The following RBM39 variants were observed in gnomAD, a reference collection of about 807,000 sequenced individuals.
RBM39 encodes RNA binding motif protein 39.
RBM39 carries 12 observed loss-of-function variants against 79.6 expected under a neutral mutation model. The observed-to-expected ratio is 0.15, with a 90% CI of 0.10 to 0.24. RBM39 has a LOEUF of 0.24. RBM39 is among the 10% of genes least tolerant of loss of function. The pLI, the probability that RBM39 is intolerant of heterozygous loss-of-function variation, is 1.00. For synonymous variants in RBM39, 185 were observed against 208.4 expected, an observed-to-expected ratio of 0.89 and a Z score of 0.97; for missense variants, 243 against 653.4, an observed-to-expected ratio of 0.37 and a Z score of 6.85.
intron 3 of RBM39, chr20:35,732,495 G>A: frequency 4.5e-6 from 1 of 221,538 alleles, no homozygotes; most frequent in South Asian, 6.6e-5. Context: ...AGCGGAGGTT[G>A]CAGTGAGCCA....
intron 8 of RBM39, among the ~76,000 whole-genome samples, chr20:35,723,230 C>CAAAAAAAAAAAAAAAAA: frequency 8.1e-6 from 1 of 123,116 alleles, no homozygotes; most frequent in Non-Finnish European, 1.8e-5. Flanking sequence ...AAGATCGCCT[C>CAAAAAAAAAAAAAAAAA]AAAAAAAAAA....
At chr20:35,736,523 T>G (rs1171478895) in intron 3 of RBM39, 1 of 469,538 alleles carries the variant, frequency 2.1e-6, no homozygotes, top group Admixed American at 2.4e-5. Context: ...CTAACACAGT[T>G]GTAGTGAGAA....
intron 10 of RBM39, among the ~76,000 whole-genome samples, chr20:35,715,249 C>T (rs892349081): frequency 6.6e-6 from 1 of 152,186 alleles, no homozygotes; most frequent in African/African-American, 2.4e-5. Context: ...ACCATCTCGG[C>T]TCATTGCAAC....
At chr20:35,737,174 G>C (rs191334377) in intron 3 of RBM39, among the ~76,000 whole-genome samples, 1 of 149,244 alleles carries the variant, frequency 6.7e-6, no homozygotes, top group South Asian at 2.1e-4. Flanking sequence ...GGTGGATCAC[G>C]AGGTCAGGAG....
intron 13 of RBM39, chr20:35,707,665 G>A: frequency 5.2e-6 from 1 of 193,184 alleles, no homozygotes; most frequent in South Asian, 7.0e-5. Flanking sequence ...AAAGAATTAA[G>A]ACATATAAAA....
intron 3 of RBM39, chr20:35,734,165 A>T: frequency 1.6e-6 from 2 of 1,281,544 alleles, no homozygotes; most frequent in Non-Finnish European, 2.1e-6. Flanking sequence ...TGCATTGAAA[A>T]TAGAAAATGA....
chr20:35,734,618 A>G (rs1018604313), intron 3 of RBM39: 2 of 322,082 alleles, frequency 6.2e-6, no homozygotes, highest in African/African-American at 2.2e-5. Flanking sequence ...TTATTCTGCC[A>G]AAAGAAAACA....
intron 3 of RBM39, among the ~76,000 whole-genome samples, chr20:35,737,858 A>C (rs1449609746): frequency 4.9e-5 from 7 of 141,774 alleles, no homozygotes; most frequent in Admixed American, 7.0e-5. Flanking sequence ...CAAAAAAAAA[A>C]AAAAAAAAAA....
chr20:35,741,049 T>TTTTTTTTTTTTTTTTTTC (rs2040470078), intron 1 of RBM39, among the ~76,000 whole-genome samples, 162 bp from the exon 2 acceptor site: 2 of 130,786 alleles, frequency 1.5e-5, no homozygotes, highest in Non-Finnish European at 1.6e-5. Context: ...TTTTTTTTTT[T>TTTTTTTTTTTTTTTTTTC]TTGAGACGGA....
intron 6 of RBM39, among the ~76,000 whole-genome samples, chr20:35,726,717 G>T (rs187711473): frequency 1.5e-3 from 226 of 152,352 alleles, no homozygotes; most frequent in African/African-American, 5.0e-3. Context: ...AATTAAGGTT[G>T]TAAGTCATCC....
At chr20:35,714,772 C>CA (rs1297400239) in intron 10 of RBM39, among the ~76,000 whole-genome samples, 2 of 151,958 alleles carry the variant, frequency 1.3e-5, no homozygotes, top group Non-Finnish European at 2.9e-5. Context: ...AAAATGTGCC[C>CA]AGGGACAAAA....
chr20:35,727,313 G>C (rs1183684314), intron 6 of RBM39, among the ~76,000 whole-genome samples: 1 of 150,798 alleles, frequency 6.6e-6, no homozygotes, highest in Non-Finnish European at 1.5e-5. Context: ...TTGCGTCACT[G>C]CACTATAGCC....
intron 11 of RBM39, 148 bp downstream of exon 11, chr20:35,714,037 A>G: frequency 1.4e-6 from 1 of 711,398 alleles, no homozygotes; most frequent in Non-Finnish European, 2.3e-6. Context: ...AAGGCACATC[A>G]TCTATAAAAT....
intron 14 of RBM39, among the ~76,000 whole-genome samples, chr20:35,705,659 G>A (rs990323780): frequency 9.2e-5 from 14 of 151,860 alleles, no homozygotes; most frequent in Admixed American, 9.2e-4. Flanking sequence ...TTAGCCACGA[G>A]TGGTGGCAGA....
At chr20:35,724,835 A>T (rs2038457327) in intron 7 of RBM39, 113 bp from the exon 8 acceptor site, 1 of 1,300,860 alleles carries the variant, frequency 7.7e-7, no homozygotes, top group Non-Finnish European at 1.1e-6. Flanking sequence ...TTAAAAAAGT[A>T]AATCTGTAGG....
At chr20:35,706,521 C>T (rs188670148) in intron 14 of RBM39, among the ~76,000 whole-genome samples, 102 of 151,968 alleles carry the variant, frequency 6.7e-4, no homozygotes, top group Admixed American at 2.0e-3. Flanking sequence ...AAACAAAAAT[C>T]TACATTTTGA....
At chr20:35,714,052 T>C (rs1028212997) in intron 11 of RBM39, 133 bp downstream of exon 11, 1 of 782,396 alleles carries the variant, frequency 1.3e-6, no homozygotes, top group Non-Finnish European at 2.0e-6. Flanking sequence ...TAAAATAATA[T>C]GCAGTGTGAC....
chr20:35,729,288 A>C, intron 6 of RBM39, 24 bp downstream of exon 6: 1 of 1,560,300 alleles, frequency 6.4e-7, no homozygotes, highest in East Asian at 2.2e-5. Context: ...TTTAAGAGCT[A>C]AAGGCTTTAA....
At chr20:35,730,357 G>A (rs186344060) in intron 4 of RBM39, among the ~76,000 whole-genome samples, 3 of 152,236 alleles carry the variant, frequency 2.0e-5, no homozygotes, top group Admixed American at 6.5e-5. Flanking sequence ...GAAGAACAGC[G>A]AAATAAATAA....
Sources: gnomAD v4.1 joint callset for allele counts (sites outside exome capture counted in the v4.1 genomes callset) on GRCh38, gnomAD v4.1.1 for gene constraint, MANE v1.5 for transcripts, NCBI Gene and HGNC (gene_info 2026-07-23, HGNC 2026-07-21) for gene names.